Variants in PPP1R1B observed in about 807,000 individuals in gnomAD.
The protein encoded by PPP1R1B is protein phosphatase 1 regulatory subunit 1B.
In PPP1R1B, 13 loss-of-function variants were observed where a neutral mutation model predicts 28.2. The ratio of observed to expected loss-of-function variants is 0.46; its 90% confidence interval spans 0.30 to 0.73. The LOEUF is 0.73. PPP1R1B is among the 30% of genes least tolerant of loss of function. The pLI is 0.07. For synonymous variants in PPP1R1B, 102 were observed against 97.5 expected (o/e 1.05, Z -0.27); for missense variants, 236 against 256.7 (o/e 0.92, Z 0.55).
chr17:39,631,507 C>A (rs192248372), intron 4 of PPP1R1B, among the ~76,000 whole-genome samples: 1 of 152,220 alleles, frequency 6.6e-6, no homozygotes, highest in Non-Finnish European at 1.5e-5. Flanking sequence ...ACCAACCCCC[C>A]ACCTCAACTC....
At chr17:39,627,932 C>T (rs2056849284) in intron 1 of PPP1R1B, among the ~76,000 whole-genome samples, 1 of 152,122 alleles carries the variant, frequency 6.6e-6, no homozygotes, top group African/African-American at 2.4e-5. Context: ...CCGGGTGAAT[C>T]CACTACCCTG....
chr17:39,628,336 A>T (rs2056851463), intron 1 of PPP1R1B, among the ~76,000 whole-genome samples: 1 of 147,988 alleles, frequency 6.8e-6, no homozygotes, highest in South Asian at 2.1e-4. Flanking sequence ...TTGGCTGGGG[A>T]GGTGGCAGTT....
At chr17:39,630,893 A>G (rs887066192) in intron 4 of PPP1R1B, among the ~76,000 whole-genome samples, 1 of 152,222 alleles carries the variant, frequency 6.6e-6, no homozygotes, top group Admixed American at 6.5e-5. Context: ...AACATGGAGA[A>G]ATCCTGTCTC....
intron 4 of PPP1R1B, chr17:39,632,543 G>C (rs771790944): frequency 6.6e-6 from 1 of 152,442 alleles, no homozygotes; most frequent in Non-Finnish European, 1.5e-5. Context: ...TGTCAGGGAA[G>C]AATCGAGGGC....
At chr17:39,629,079 G>C in intron 1 of PPP1R1B, 91 bp from the exon 2 acceptor site, 1 of 1,207,062 alleles carries the variant, frequency 8.3e-7, no homozygotes, top group Non-Finnish European at 1.2e-6. Context: ...AGGTTCCCTG[G>C]GGACTCCAAA....
intron 6 of PPP1R1B, 36 bp from the exon 7 acceptor site, chr17:39,635,780 G>T (rs2056916810): frequency 6.2e-7 from 1 of 1,612,948 alleles, no homozygotes; most frequent in Non-Finnish European, 8.5e-7. Flanking sequence ...TGGTGGGTGG[G>T]GCCAGGCCCT....
intron 4 of PPP1R1B, 195 bp downstream of exon 4, chr17:39,630,242 A>G (rs1343206723): frequency 3.4e-6 from 2 of 579,796 alleles, no homozygotes; most frequent in Non-Finnish European, 6.2e-6. Flanking sequence ...CGAGGCTGCA[A>G]TGGGCAGCTA....
rs975708507 is a variant in PPP1R1B at position 39,635,975 on chromosome 17, C to T, written c.*110C>T. Reference sequence around the variant, plus strand: ...CTCTTCCCCTCGCCTGCTAGGGCTGCGGCTTCTGACTTCTAGAAGACTAAG... The same window carrying T: ...CTCTTCCCCTCGCCTGCTAGGGCTGTGGCTTCTGACTTCTAGAAGACTAAG... On this transcript the variant is annotated 3_prime_UTR_variant, in exon 7 of 7. Transcript: ENST00000254079. 4 of 1,196,112 alleles carry T rather than the reference C, an allele frequency of 3.3e-6. No individual in the cohort carries two copies. Among genetic ancestry groups the T allele is most frequent in the Admixed American group, 2.1e-5 (1 of 47,900 alleles). 74.1% of individuals were successfully genotyped at this position (1,196,112 alleles called of 1,614,324 possible).
At chr17:39,632,249 G>T in intron 4 of PPP1R1B, 1 of 153,942 alleles carries the variant, frequency 6.5e-6, no homozygotes. Context: ...AAGGAGTGAT[G>T]GGGAGACCCC....
chr17:39,635,589 C>A lies in PPP1R1B; in HGVS notation c.446-18C>A. ...ATACGCAGAGCCTGTGTTCTTATCT[C>A]TTCTTTCCCATCCCCAGCTGGGCAA... On this transcript the variant is annotated intron_variant, in intron 5 of 6. Coordinates refer to ENST00000254079, the MANE Select transcript of PPP1R1B (RefSeq NM_032192.4). 6.2e-7 allele frequency: 1 copy of A among 1,611,868 alleles called. No homozygotes were observed. Among genetic ancestry groups the A allele is most frequent in the Non-Finnish European group, 8.5e-7 (1 of 1,178,426 alleles).
In PPP1R1B at chr17:39,627,427, C is replaced by A; in HGVS notation, c.35C>A (p.Ser12Ter). Residue 12 changes from serine (S) to a stop codon, truncating the protein, a stop_gained, in exon 1 of 7, where the codon TCG (serine) becomes TAG (stop). Coordinates refer to ENST00000254079, the MANE Select transcript of PPP1R1B (RefSeq NM_032192.4). LOFTEE classifies it high-confidence loss of function. ...AAGGACCGCAAGAAGATCCAGTTCT[C>A]GGTGCCCGCGCCCCCTAGCCAGCTC... ...DPKDRKKIQF[S>*]VPAPPSQLDP... 1 of 1,604,262 alleles carries A rather than the reference C, an allele frequency of 6.2e-7. No individual in the cohort carries two copies. The highest frequency in any genetic ancestry group is 8.5e-7 in the Non-Finnish European group (1 of 1,176,588).
At chr17:39,633,739 T>C (rs2056895211) in intron 4 of PPP1R1B, 144 bp from the exon 5 acceptor site, 5 of 1,451,006 alleles carry the variant, frequency 3.4e-6, no homozygotes, top group East Asian at 2.3e-5. Context: ...CCTGTCAACT[T>C]TGGCCTTTGA....
At chr17:39,632,713 G>C (rs1260090431) in intron 4 of PPP1R1B, 2 of 152,322 alleles carry the variant, frequency 1.3e-5, no homozygotes, top group Admixed American at 6.5e-5. Context: ...CCCAGAGCCA[G>C]CAGGAGGTAC....
At chr17:39,630,547 A>C in intron 4 of PPP1R1B, 1 of 160,538 alleles carries the variant, frequency 6.2e-6, no homozygotes, top group Admixed American at 6.0e-5. Flanking sequence ...CACCTAGTAT[A>C]TGCCAGGCCA....
At position 39,629,295 on chromosome 17, in the gene PPP1R1B, T is replaced by C. The variant is rs573540446; in HGVS notation, c.142+65T>C. 2.4e-5 allele frequency: 36 copies of C among 1,524,420 alleles called. No homozygotes were observed. In the African/African-American group the frequency reaches 4.1e-4, roughly 17 times the overall value. 94.4% of individuals were successfully genotyped at this position (1,524,420 alleles called of 1,614,324 possible). ...AGCTCTGATGCCTTCCTAGGGGCCC[T>C]GCCAAAGTCCCATGAACAGGAGTCA... On this transcript the variant is annotated intron_variant, in intron 2 of 6. Transcript: ENST00000254079.
intron 5 of PPP1R1B, 48 bp from the exon 6 acceptor site, chr17:39,635,559 G>A (rs373636459): frequency 2.4e-5 from 38 of 1,590,912 alleles, no homozygotes; most frequent in Non-Finnish European, 3.0e-5. Context: ...AGGACAGCCG[G>A]ATGGATACGC....
rs922722288 is a variant in PPP1R1B at position 39,634,014 on chromosome 17, G to A, written c.373G>A (p.Glu125Lys). Reference sequence around the variant, plus strand: ...TCCAAGAGAGGAAGATGAGGAGGAAGAGGAGGATGATGAAGAAGAGGAAGA... The same window carrying A: ...TCCAAGAGAGGAAGATGAGGAGGAAAAGGAGGATGATGAAGAAGAGGAAGA... ...GYPREEDEEEEEDDEEEEEEE... is the reference protein window; with the variant it reads ...GYPREEDEEEKEDDEEEEEEE... The change falls in exon 5 of 7, where the codon GAG (glutamate) becomes AAG (lysine). Residue 125 changes from glutamate to lysine, a missense_variant. By Grantham distance (56) the Glu-to-Lys change is moderately conservative (BLOSUM62 1). Coordinates refer to ENST00000254079, the MANE Select transcript of PPP1R1B (RefSeq NM_032192.4). 1.2e-6 allele frequency: 2 copies of A among 1,613,894 alleles called. No individual in the cohort carries two copies. Among genetic ancestry groups the A allele is most frequent in the East Asian group, 4.5e-5 (2 of 44,880 alleles).
chr17:39,632,485 C>T (rs923772037), intron 4 of PPP1R1B: 1 of 152,330 alleles, frequency 6.6e-6, no homozygotes, highest in African/African-American at 2.4e-5. Flanking sequence ...GTTTTGTAGG[C>T]TTCAGTCCTT....
At position 39,636,098 on chromosome 17, in the gene PPP1R1B, TCA is replaced by T; in HGVS notation, c.*235_*236del. 1.8e-6 allele frequency: 1 copy of T among 562,986 alleles called. No homozygotes were observed. The highest frequency in any genetic ancestry group is 2.1e-5 in the South Asian group (1 of 46,730). The allele number at this position is 562,986 out of a possible 1,614,324, so 34.9% of individuals were successfully genotyped here. A position where few individuals can be genotyped will look rare whatever the true frequency, so the allele number is the denominator to read the frequency against. ...CCACCCCTGCCAGTCATTCCTCCAT[TCA>T]CCCAGCGGGAGGTGGGATGTGAGAC... On this transcript the variant is annotated 3_prime_UTR_variant, in exon 7 of 7. Transcript: ENST00000254079.
Sources: gnomAD v4.1 joint callset for allele counts (sites outside exome capture counted in the v4.1 genomes callset) on GRCh38, gnomAD v4.1.1 for gene constraint, MANE v1.5 for transcripts, NCBI Gene and HGNC (gene_info 2026-07-23, HGNC 2026-07-21) for gene names.